The following CC2D2B variants were observed in gnomAD, a reference collection of about 807,000 sequenced individuals.
The protein encoded by CC2D2B is coiled-coil and C2 domain containing 2B.
CC2D2B carries 128 observed loss-of-function variants against 161.2 expected under a neutral mutation model. The observed-to-expected ratio is 0.79, with a 90% CI of 0.69 to 0.92. CC2D2B has a LOEUF of 0.92. Among genes scored for constraint, CC2D2B ranks in the 40% least tolerant of loss-of-function variants. The pLI is 0.00. For synonymous variants in CC2D2B, 391 were observed against 449.8 expected (o/e 0.87, Z 1.65); for missense variants, 1,173 against 1,375.1 (o/e 0.85, Z 2.32).
At chr10:95,930,369 T>G (rs1008165240) in intron 6 of CC2D2B, among the ~76,000 whole-genome samples, 3 of 152,372 alleles carry the variant, frequency 2.0e-5, no homozygotes, top group Admixed American at 6.5e-5. Context: ...CTTCTCTTCC[T>G]ATTTGAATAC....
chr10:95,993,952 GTATATATATATATATATA>G (rs1169560460), intron 22 of CC2D2B, among the ~76,000 whole-genome samples: 29 of 18,170 alleles, frequency 1.6e-3, no homozygotes, highest in Admixed American at 3.7e-3. Flanking sequence ...GTATGTATGT[GTATATATATATATATATA>G]TATATATATA....
At chr10:96,002,292 C>G (rs1224228881) in intron 24 of CC2D2B, among the ~76,000 whole-genome samples, 4 of 152,060 alleles carry the variant, frequency 2.6e-5, no homozygotes, top group Admixed American at 6.6e-5. Context: ...GCCTCTGATA[C>G]AAGACCCCAA....
At chr10:95,910,728 T>G (rs1416068102) in intron 1 of CC2D2B, among the ~76,000 whole-genome samples, 1 of 152,256 alleles carries the variant, frequency 6.6e-6, no homozygotes, top group Admixed American at 6.5e-5. Context: ...TATCTATATT[T>G]AATCATTGCC....
At chr10:95,962,540 G>A (rs899846843) in intron 12 of CC2D2B, among the ~76,000 whole-genome samples, 1 of 152,058 alleles carries the variant, frequency 6.6e-6, no homozygotes, top group East Asian at 1.9e-4. Context: ...TAGATGAAAC[G>A]CATTTTAGAT....
chr10:95,933,230 T>A (rs1387218181), intron 6 of CC2D2B, among the ~76,000 whole-genome samples: 4 of 152,140 alleles, frequency 2.6e-5, no homozygotes, highest in Non-Finnish European at 5.9e-5. Context: ...TTCAGCTCCA[T>A]CTGGTCATTT....
chr10:96,031,751 T>A, intron 34 of CC2D2B, 69 bp from the exon 35 acceptor site: 1 of 1,334,362 alleles, frequency 7.5e-7, no homozygotes, highest in South Asian at 1.3e-5. Context: ...TTGTGATCTT[T>A]TTGCATACAG....
Position 95,980,636 on chromosome 10 carries a change from A to G in CC2D2B, c.1944-1339A>G, listed in dbSNP as rs577465050. Among the ~76,000 whole-genome samples, 105 of 152,290 alleles carry G rather than the reference A, an allele frequency of 6.9e-4. 1 individual carries two copies. The highest frequency in any genetic ancestry group is 1.4e-3 in the Admixed American group (21 of 15,296). ...GTTCAAAATGAGGGCAGACATGGGA[A>G]GCAAAAGAAAAGAAGAATATGCAAA... is the stretch of plus-strand genomic sequence containing the variant. On this transcript the variant is annotated intron_variant, in intron 17 of 34. Transcript: ENST00000646931.
Position 95,974,125 on chromosome 10 carries a change from A to G in CC2D2B, c.1912A>G (p.Met638Val), listed in dbSNP as rs2077234994. ...LDENGLPLIP[M>V]PQSLRSSYCS... is the part of the protein sequence containing the mutation. ...TGAAAATGGTCTTCCTCTGATACCT[A>G]TGCCACAATCATTAAGATCTTCTTA... Residue 638 changes from methionine to valine, a missense_variant, in exon 17 of 35, where the codon ATG (methionine) becomes GTG (valine). Coordinates refer to ENST00000646931, the MANE Select transcript of CC2D2B (RefSeq NM_001349008.3). 1.6e-6 allele frequency: 2 copies of G among 1,230,752 alleles called. No homozygotes were observed. Among genetic ancestry groups the G allele is most frequent in the African/African-American group, 1.6e-5 (1 of 64,480 alleles). 76.2% of individuals were successfully genotyped at this position (1,230,752 alleles called of 1,614,324 possible). A position where few individuals can be genotyped will look rare whatever the true frequency, so the allele number is the denominator to read the frequency against.
At chr10:96,005,783 G>C (rs1309524015) in intron 25 of CC2D2B, among the ~76,000 whole-genome samples, 1 of 152,090 alleles carries the variant, frequency 6.6e-6, no homozygotes, top group Non-Finnish European at 1.5e-5. Flanking sequence ...GCATACTCCA[G>C]ATTTAAAACT....
At chr10:95,971,832 C>T (rs1196859560) in intron 15 of CC2D2B, among the ~76,000 whole-genome samples, 3 of 152,152 alleles carry the variant, frequency 2.0e-5, no homozygotes, top group Non-Finnish European at 2.9e-5. Flanking sequence ...ATTCTCAGAA[C>T]TGTATTCATA....
intron 6 of CC2D2B, among the ~76,000 whole-genome samples, 170 bp from the exon 7 acceptor site, chr10:95,937,821 T>C (rs2075880456): frequency 6.6e-6 from 1 of 152,138 alleles, no homozygotes; most frequent in South Asian, 2.1e-4. Flanking sequence ...CTTAAATGAG[T>C]TCTAAATTCA....
intron 9 of CC2D2B, among the ~76,000 whole-genome samples, chr10:95,941,156 C>T (rs960831908): frequency 1.3e-5 from 2 of 152,128 alleles, no homozygotes; most frequent in African/African-American, 4.8e-5. Context: ...AGAATGAAAT[C>T]AGACCTTTAT....
intron 10 of CC2D2B, chr10:95,952,475 C>T (rs1025572478): frequency 6.6e-6 from 1 of 152,084 alleles, no homozygotes; most frequent in Non-Finnish European, 1.5e-5. Context: ...TTCTCCTCTC[C>T]CTGTATTTCT....
intron 19 of CC2D2B, among the ~76,000 whole-genome samples, chr10:95,984,951 G>A (rs868246969): frequency 6.6e-5 from 10 of 151,542 alleles, no homozygotes; most frequent in Non-Finnish European, 8.8e-5. Flanking sequence ...TTGAAAATTC[G>A]AAAAAATTTT....
chr10:95,926,601 T>C (rs7909097), intron 5 of CC2D2B, among the ~76,000 whole-genome samples: 42,450 of 151,632 alleles, frequency 0.28, 6,530 homozygotes, highest in African/African-American at 0.4. Flanking sequence ...ACTATGAGTT[T>C]TACTTATTAT....
chr10:96,015,275 C>T (rs1162560067), intron 29 of CC2D2B, among the ~76,000 whole-genome samples: 2 of 110,452 alleles, frequency 1.8e-5, no homozygotes, highest in Non-Finnish European at 1.8e-5. Flanking sequence ...GATGGGGTTT[C>T]ACCATGTTGG....
At position 96,012,224 on chromosome 10, in the gene CC2D2B, C is replaced by T. The variant is rs1477796694; in HGVS notation, c.3085C>T (p.Leu1029Phe). 1 of 700,574 alleles carries T rather than the reference C, an allele frequency of 1.4e-6. No individual in the cohort carries two copies. Among genetic ancestry groups the T allele is most frequent in the South Asian group, 1.6e-5 (1 of 63,562 alleles). 43.4% of individuals were successfully genotyped at this position (700,574 alleles called of 1,614,324 possible). Residue 1029 changes from leucine to phenylalanine, a missense_variant, in exon 27 of 35, where the codon CTC becomes TTC. Leu to Phe is a conservative substitution (Grantham distance 22). Transcript: ENST00000646931. ...TCAAGTAACTATTCCACCAGTTTTG[C>T]TCGGGTATACTTGGAGTAATACTTA... ...TFQVTIPPVL[L>F]GYTWSNTYVF...
chr10:96,019,131 C>A, intron 30 of CC2D2B, 72 bp from the exon 31 acceptor site: 1 of 1,281,066 alleles, frequency 7.8e-7, no homozygotes, highest in South Asian at 1.5e-5. Flanking sequence ...AAATTAGAAT[C>A]ATCACAGTAT....
At chr10:95,945,091 C>A (rs1361422483) in intron 9 of CC2D2B, among the ~76,000 whole-genome samples, 8 of 152,210 alleles carry the variant, frequency 5.3e-5, no homozygotes, top group Non-Finnish European at 7.3e-5. Context: ...CAAAAAGGTC[C>A]ACACTAGACA....
Sources: gnomAD v4.1 joint callset for allele counts (sites outside exome capture counted in the v4.1 genomes callset) on GRCh38, gnomAD v4.1.1 for gene constraint, MANE v1.5 for transcripts, NCBI Gene and HGNC (gene_info 2026-07-23, HGNC 2026-07-21) for gene names.